Variants in KDM1A observed in about 807,000 individuals in gnomAD.
KDM1A encodes lysine demethylase 1A, also known as lysine-specific histone demethylase 1A.
KDM1A carries 49 observed loss-of-function variants against 109.4 expected under a neutral mutation model. That is an observed-to-expected ratio of 0.45 (90% CI 0.36 to 0.57). KDM1A has a LOEUF of 0.57. Ranked by LOEUF, KDM1A falls within the 20% of genes least tolerant of loss-of-function variation. The probability of loss-of-function intolerance (pLI) is 0.00; values close to 1 mark genes in which losing one functional copy is unlikely to be tolerated. For synonymous variants in KDM1A, 380 were observed against 415.4 expected, an observed-to-expected ratio of 0.91 and a Z score of 1.04; for missense variants, 668 against 1,116.6, an observed-to-expected ratio of 0.60 and a Z score of 5.73.
chr1:23,054,745 G>GC (rs768745351), intron 5 of KDM1A, among the ~76,000 whole-genome samples: 35 of 152,022 alleles, frequency 2.3e-4, no homozygotes, highest in Admixed American at 1.2e-3. Context: ...TCCTTCCTCA[G>GC]CCCCCCAAGT....
intron 8 of KDM1A, 27 bp downstream of exon 8, chr1:23,057,592 T>C (rs1443013341): frequency 2.0e-6 from 3 of 1,524,026 alleles, no homozygotes; most frequent in Non-Finnish European, 2.7e-6. Context: ...TTGTGCTATA[T>C]AGTACATGGT....
intron 1 of KDM1A, among the ~76,000 whole-genome samples, chr1:23,022,845 GAC>G (rs1641681710): frequency 1.3e-5 from 2 of 151,364 alleles, no homozygotes; most frequent in South Asian, 4.2e-4. Flanking sequence ...TTTTAGTAGA[GAC>G]AGGGTTTCAC....
At chr1:23,048,817 A>T (rs959123631) in intron 3 of KDM1A, among the ~76,000 whole-genome samples, 13 of 151,996 alleles carry the variant, frequency 8.6e-5, no homozygotes, top group Admixed American at 7.9e-4. Context: ...TGCTTCCATT[A>T]TCAGTGCTTC....
chr1:23,066,037 C>T (rs1643151239), intron 9 of KDM1A, 23 bp from the exon 10 acceptor site: 1 of 1,605,918 alleles, frequency 6.2e-7, no homozygotes, highest in Admixed American at 1.7e-5. Flanking sequence ...GTTTATTTCT[C>T]TCTCTGCTGC....
In KDM1A at chr1:23,079,194, A is replaced by G. The variant is rs769618910; in HGVS notation, c.2055+17A>G. The G allele has an allele frequency of 1.1e-5, 18 of 1,610,060 alleles. No individual in the cohort carries two copies. Among genetic ancestry groups the G allele is most frequent in the Non-Finnish European group, 1.5e-5 (18 of 1,177,698 alleles). Reference sequence around the variant, plus strand: ...CTTAACAAGGTAGCTTGCCCTAGACACTCCTGTCTACAGATCTGATGTACA... The same window carrying G: ...CTTAACAAGGTAGCTTGCCCTAGACGCTCCTGTCTACAGATCTGATGTACA... On this transcript the variant is annotated intron_variant, in intron 17 of 20. Transcript: ENST00000400181. This position sits in a 1 kb window ranked among gnomAD's most constrained non-coding sequence, Gnocchi z 5.6.
chr1:23,020,745 G>T (rs996247132), intron 1 of KDM1A, among the ~76,000 whole-genome samples: 2 of 152,068 alleles, frequency 1.3e-5, no homozygotes, highest in South Asian at 4.2e-4. Context: ...CCCTATTTTA[G>T]GAATGAGTAA....
At chr1:23,063,203 G>GGA (rs1553130172) in intron 9 of KDM1A, among the ~76,000 whole-genome samples, 1 of 80,652 alleles carries the variant, frequency 1.2e-5, no homozygotes, top group Non-Finnish European at 2.7e-5. Context: ...CATTGGGGGG[G>GGA]GGGTGTGGTG....
intron 2 of KDM1A, among the ~76,000 whole-genome samples, chr1:23,038,102 G>T (rs924212730): frequency 1.4e-4 from 22 of 152,128 alleles, no homozygotes; most frequent in African/African-American, 4.1e-4. Flanking sequence ...AAAGAATAGG[G>T]TGGATTGGTG....
At position 23,083,620 on chromosome 1, in the gene KDM1A, C is replaced by G. The variant is rs1064541; in HGVS notation, c.*256C>G. The G allele has an allele frequency of 1.5e-4, 51 of 341,710 alleles. No individual in the cohort carries two copies. Among genetic ancestry groups the G allele is most frequent in the Non-Finnish European group, 2.4e-4 (46 of 188,758 alleles). The allele number at this position is 341,710 out of a possible 1,614,324, so 21.2% of individuals were successfully genotyped here. A position where few individuals can be genotyped will look rare whatever the true frequency, so the allele number is the denominator to read the frequency against. ...AGCAAGTGCTGTGAAATAACATCAT[C>G]TTAGTCCCTTGGTGTGTGGGGTTTT... On this transcript the variant is annotated 3_prime_UTR_variant, in exon 21 of 21. Coordinates refer to ENST00000400181, the MANE Select transcript of KDM1A (RefSeq NM_001009999.3).
At chr1:23,042,213 A>T (rs996279917) in intron 2 of KDM1A, among the ~76,000 whole-genome samples, 2 of 152,088 alleles carry the variant, frequency 1.3e-5, no homozygotes, top group African/African-American at 4.8e-5. Flanking sequence ...TCATGACAAG[A>T]GACTGTCACT....
chr1:23,032,908 G>T (rs1311702910), intron 2 of KDM1A, among the ~76,000 whole-genome samples: 1 of 152,178 alleles, frequency 6.6e-6, no homozygotes, highest in Non-Finnish European at 1.5e-5. Context: ...GTTTCGTTTT[G>T]ATATTTTTGG....
chr1:23,068,735 C>A, intron 11 of KDM1A, 54 bp downstream of exon 11: 1 of 1,366,822 alleles, frequency 7.3e-7, no homozygotes, highest in Non-Finnish European at 9.6e-7. Flanking sequence ...TAAAGATTTG[C>A]TATTTATGTT....
At chr1:23,073,998 A>C (rs528607644) in intron 15 of KDM1A, among the ~76,000 whole-genome samples, 6 of 152,354 alleles carry the variant, frequency 3.9e-5, no homozygotes, top group African/African-American at 1.2e-4. Flanking sequence ...TTATGAATGG[A>C]ATTGCTGGGT....
At chr1:23,080,275 C>T (rs1012580357) in intron 18 of KDM1A, among the ~76,000 whole-genome samples, 8 of 152,154 alleles carry the variant, frequency 5.3e-5, no homozygotes, top group Non-Finnish European at 8.8e-5. Flanking sequence ...CCCAGAGCCT[C>T]TAACTTCACA....
intron 2 of KDM1A, among the ~76,000 whole-genome samples, chr1:23,031,154 A>G (rs1357953596): frequency 6.6e-6 from 1 of 152,154 alleles, no homozygotes; most frequent in African/African-American, 2.4e-5. Flanking sequence ...AAAATCTAGA[A>G]AGATTATGGG....
chr1:23,053,631 C>A (rs1642738305), intron 4 of KDM1A, 130 bp from the exon 5 acceptor site: 1 of 663,632 alleles, frequency 1.5e-6, no homozygotes. Context: ...AGTGATCCTT[C>A]CACCTCAGCC....
intron 16 of KDM1A, among the ~76,000 whole-genome samples, chr1:23,078,636 T>C (rs1266629512): frequency 6.6e-6 from 1 of 152,216 alleles, no homozygotes; most frequent in Non-Finnish European, 1.5e-5. Flanking sequence ...ATTGGTTCTA[T>C]TGGGATGAGC....
chr1:23,025,756 G>A (rs765261514), intron 1 of KDM1A, among the ~76,000 whole-genome samples: 7 of 152,168 alleles, frequency 4.6e-5, no homozygotes, highest in Non-Finnish European at 7.3e-5. Flanking sequence ...TGGTAGAGCA[G>A]CATTGAGGAC....
rs1038216351 is a variant in KDM1A, at chr1:23,019,740, C to T, written c.144C>T (p.Ala48=). ...AAQPAGLSGP[A]EVGPGAVGER... ...AGCCCGCGGGCCTGTCGGGCCCAGC[C>T]GAGGTCGGGCCGGGGGCGGTGGGGG... The change falls in exon 1 of 21, where the codon GCC becomes GCT. Residue 48 remains alanine (A), a synonymous_variant. Coordinates refer to ENST00000400181, the MANE Select transcript of KDM1A (RefSeq NM_001009999.3). 16 of 1,334,446 alleles carry T rather than the reference C, an allele frequency of 1.2e-5. No homozygotes were observed. Among genetic ancestry groups the T allele is most frequent in the Admixed American group, 4.2e-5 (1 of 24,028 alleles). 82.7% of individuals were successfully genotyped at this position (1,334,446 alleles called of 1,614,324 possible).
Sources: allele counts gnomAD v4.1 joint callset (sites outside exome capture counted in the v4.1 genomes callset), GRCh38; gene constraint gnomAD v4.1.1; non-coding constraint Gnocchi (gnomAD v3.1); transcripts MANE v1.5; gene names NCBI Gene and HGNC (gene_info 2026-07-23, HGNC 2026-07-21).